CNTNAP2: variants seen among roughly 807,000 people sequenced by gnomAD.
CNTNAP2 encodes contactin associated protein 2.
Under a neutral mutation model 155.2 loss-of-function variants are expected in CNTNAP2, and 98 were observed. The observed-to-expected ratio is 0.63, with a 90% confidence interval of 0.54 to 0.75. The LOEUF is 0.75. Ranked by LOEUF, CNTNAP2 falls within the 30% of genes least tolerant of loss-of-function variation. The pLI, the probability that CNTNAP2 is intolerant of heterozygous loss-of-function variation, is 0.00. For synonymous variants in CNTNAP2, 651 were observed against 631.2 expected (o/e 1.03, Z -0.47); for missense variants, 1,727 against 1,688.1 (o/e 1.02, Z -0.40).
intron 2 of CNTNAP2, among the ~76,000 whole-genome samples, chr7:146,815,676 A>G (rs1163323424): frequency 1.3e-5 from 2 of 152,174 alleles, no homozygotes; most frequent in African/African-American, 4.8e-5. Context: ...TTTATTAAAT[A>G]ATTTTACTTT....
intron 12 of CNTNAP2, among the ~76,000 whole-genome samples, chr7:147,608,393 TG>T (rs2116872526): frequency 1.3e-5 from 1 of 77,960 alleles, no homozygotes; most frequent in South Asian, 3.6e-4. Context: ...ATTTTCTAAG[TG>T]TTTTTTTTAA....
At chr7:147,512,624 ATTC>A (rs1210385929) in intron 11 of CNTNAP2, among the ~76,000 whole-genome samples, 1 of 152,200 alleles carries the variant, frequency 6.6e-6, no homozygotes, top group African/African-American at 2.4e-5. Flanking sequence ...CCTAAGTTTT[ATTC>A]TTATTTAAAG....
intron 1 of CNTNAP2, among the ~76,000 whole-genome samples, chr7:146,333,089 G>C (rs1011592371): frequency 6.6e-6 from 1 of 151,710 alleles, no homozygotes; most frequent in Non-Finnish European, 1.5e-5. Flanking sequence ...GATTATAGGC[G>C]TGTGCCACTA....
chr7:147,096,799 C>T (rs997942025), intron 4 of CNTNAP2, among the ~76,000 whole-genome samples: 2 of 152,340 alleles, frequency 1.3e-5, no homozygotes, highest in Middle Eastern at 6.8e-3. Flanking sequence ...TAATGGACAG[C>T]ACCCAAGTTC....
chr7:146,938,418 TGTGTGTACATGTATAC>T (rs1796972086), intron 3 of CNTNAP2, among the ~76,000 whole-genome samples: 1 of 150,438 alleles, frequency 6.6e-6, no homozygotes, highest in Non-Finnish European at 1.5e-5. Flanking sequence ...TATACATATA[TGTGTGTACATGTATAC>T]ATGTGTGTAT....
At chr7:147,769,113 T>C (rs558839340) in intron 13 of CNTNAP2, among the ~76,000 whole-genome samples, 180 of 152,236 alleles carry the variant, frequency 1.2e-3, no homozygotes, top group African/African-American at 4.1e-3. Flanking sequence ...AAAATTTAAT[T>C]AGCACATGTG....
intron 21 of CNTNAP2, among the ~76,000 whole-genome samples, chr7:148,355,166 CTTTTTTTTTTTTTTTTTTTT>C (rs1167992306): frequency 2.4e-5 from 1 of 41,022 alleles, no homozygotes. Context: ...CCGCCAGCTG[CTTTTTTTTTTTTTTTTTTTT>C]TTTTTTTTTT....
chr7:148,266,358 C>A (rs1796668268), intron 20 of CNTNAP2, among the ~76,000 whole-genome samples: 1 of 152,150 alleles, frequency 6.6e-6, no homozygotes, highest in Non-Finnish European at 1.5e-5. Flanking sequence ...AAAAGCCACA[C>A]AGGGACACAA....
intron 3 of CNTNAP2, among the ~76,000 whole-genome samples, chr7:147,020,172 C>G (rs1158990985): frequency 1.3e-5 from 2 of 152,028 alleles, no homozygotes; most frequent in Non-Finnish European, 2.9e-5. Context: ...ATCCCAAATC[C>G]TAGGATGAGC....
rs1795527002 is a variant in CNTNAP2 at position 147,656,464 on chromosome 7, G to A, written c.2098+17158G>A. 2.0e-5 allele frequency among the ~76,000 whole-genome samples: 3 copies of A among 152,108 alleles called. 1 individual carries two copies. The highest frequency in any genetic ancestry group is 2.0e-4 in the Admixed American group (3 of 15,272). On this transcript the variant is annotated intron_variant, in intron 13 of 23. Coordinates refer to ENST00000361727, the MANE Select transcript of CNTNAP2 (RefSeq NM_014141.6). ...CTCGAATACTTAGAGGCCATCTTAT[G>A]GTTATGAACAGGGCTAATTTCAATA...
chr7:147,881,217 AAG>A (rs1227070552), intron 13 of CNTNAP2, among the ~76,000 whole-genome samples: 3 of 152,232 alleles, frequency 2.0e-5, no homozygotes, highest in Middle Eastern at 3.2e-3. Flanking sequence ...TGAAAGGCCA[AAG>A]AGTGAAACCA....
At chr7:146,797,319 GA>G (rs1802789007) in intron 2 of CNTNAP2, among the ~76,000 whole-genome samples, 1 of 152,118 alleles carries the variant, frequency 6.6e-6, no homozygotes, top group African/African-American at 2.4e-5. Context: ...AATAACAAGG[GA>G]AAAGGTGTTC....
chr7:146,666,995 ATTTG>A (rs1199865457), intron 1 of CNTNAP2, among the ~76,000 whole-genome samples: 1 of 151,990 alleles, frequency 6.6e-6, no homozygotes, highest in African/African-American at 2.4e-5. Context: ...ATATGATACC[ATTTG>A]TTTATTTTTG....
intron 8 of CNTNAP2, among the ~76,000 whole-genome samples, chr7:147,177,687 G>T (rs1446789957): frequency 6.6e-6 from 1 of 151,878 alleles, no homozygotes; most frequent in African/African-American, 2.4e-5. Context: ...CAAAATATAG[G>T]GGAAACTGCA....
At chr7:146,270,712 G>C (rs1360513274) in intron 1 of CNTNAP2, among the ~76,000 whole-genome samples, 2 of 151,934 alleles carry the variant, frequency 1.3e-5, no homozygotes, top group East Asian at 3.9e-4. Context: ...TTGTAAAATG[G>C]TCTCTTAAAA....
At chr7:147,009,161 C>T (rs1335773440) in intron 3 of CNTNAP2, among the ~76,000 whole-genome samples, 1 of 152,066 alleles carries the variant, frequency 6.6e-6, no homozygotes, top group African/African-American at 2.4e-5. Flanking sequence ...GTTTCCATGT[C>T]AAGTGTACCT....
At chr7:146,496,783 A>G (rs1037375406) in intron 1 of CNTNAP2, among the ~76,000 whole-genome samples, 3 of 152,222 alleles carry the variant, frequency 2.0e-5, no homozygotes, top group African/African-American at 7.2e-5. Context: ...ATAACAGCCA[A>G]ATGAGCATAT....
chr7:147,493,134 G>T (rs978786212), intron 11 of CNTNAP2, among the ~76,000 whole-genome samples: 1 of 151,928 alleles, frequency 6.6e-6, no homozygotes, highest in East Asian at 1.9e-4. Flanking sequence ...CTCTTCATTC[G>T]GTACACAGGC....
At chr7:147,923,475 A>G (rs1800322215) in intron 14 of CNTNAP2, among the ~76,000 whole-genome samples, 1 of 152,088 alleles carries the variant, frequency 6.6e-6, no homozygotes, top group African/African-American at 2.4e-5. Flanking sequence ...AAAGGCCTGG[A>G]GCAGATTTTC....
Sources: allele counts gnomAD v4.1 joint callset (sites outside exome capture counted in the v4.1 genomes callset), GRCh38; gene constraint gnomAD v4.1.1; transcripts MANE v1.5; gene names NCBI Gene and HGNC (gene_info 2026-07-23, HGNC 2026-07-21).